RTL4: variants seen among roughly 807,000 people sequenced by gnomAD.
RTL4 encodes the protein retrotransposon Gag like 4.
In RTL4, 4 loss-of-function variants were observed where a neutral mutation model predicts 5.3. The observed-to-expected ratio is 0.75, with a 90% CI of 0.37 to 1.72. The LOEUF (loss-of-function observed/expected upper bound fraction) is 1.72. RTL4 is among the 40% of genes most tolerant of loss of function. RTL4 has a pLI of 0.04. For missense variants in RTL4, 260 were observed against 227.1 expected (o/e 1.14, Z -0.93); for synonymous variants, 98 against 87.3 (o/e 1.12, Z -0.68).
At chrX:112,296,119 A>C in the RTL4 span, among the ~76,000 whole-genome samples, 11 of 111,497 alleles carry the variant, frequency 9.9e-5, no homozygotes, top group African/African-American at 3.3e-4. Flanking sequence ...CTCAGAGGAC[A>C]TAAGACCATT....
chrX:112,222,329 G>A, the RTL4 span, among the ~76,000 whole-genome samples: 1 of 111,433 alleles, frequency 9.0e-6, no homozygotes, highest in African/African-American at 3.3e-5. Context: ...AAGTCTGGAA[G>A]ATCAAATAGG....
At chrX:112,222,685 A>G in the RTL4 span, among the ~76,000 whole-genome samples, 1 of 111,020 alleles carries the variant, frequency 9.0e-6, no homozygotes, top group Non-Finnish European at 1.9e-5. Context: ...GTGAGCTGTG[A>G]TCATGCCACT....
chrX:112,095,750 T>C, the RTL4 span, among the ~76,000 whole-genome samples: 1 of 111,324 alleles, frequency 9.0e-6, no homozygotes, highest in Middle Eastern at 4.6e-3. Flanking sequence ...ACTGACCAAG[T>C]CAAGGGTATG....
chrX:112,161,795 TC>T, the RTL4 span, among the ~76,000 whole-genome samples: 50 of 26,075 alleles, frequency 1.9e-3, no homozygotes, highest in African/African-American at 8.2e-3. Context: ...TTTTCTTCCT[TC>T]CTTCCTTCCT....
At chrX:112,090,361 T>A in the RTL4 span, among the ~76,000 whole-genome samples, 14 of 111,325 alleles carry the variant, frequency 1.3e-4, no homozygotes, top group African/African-American at 4.6e-4. Flanking sequence ...CACTACTGAC[T>A]ATGATGTTAA....
At chrX:112,446,745 G>A in the RTL4 span, among the ~76,000 whole-genome samples, 6 of 112,112 alleles carry the variant, frequency 5.4e-5, no homozygotes, top group East Asian at 1.7e-3. Flanking sequence ...CTACTTGGGA[G>A]GCTGAGGCAG....
chrX:112,382,110 T>C, the RTL4 span: 29 of 1,210,098 alleles, frequency 2.4e-5, no homozygotes, highest in Non-Finnish European at 3.2e-5. Flanking sequence ...CTGGAGTCCT[T>C]AATCCGGGCG....
At chrX:112,291,360 A>C in the RTL4 span, among the ~76,000 whole-genome samples, 5 of 93,532 alleles carry the variant, frequency 5.3e-5, no homozygotes, top group Admixed American at 1.2e-4. Context: ...AGATATATGT[A>C]TGTTTGTACA....
chrX:112,339,775 A>G, the RTL4 span, among the ~76,000 whole-genome samples: 4,964 of 112,739 alleles, frequency 0.044, 268 homozygotes, highest in African/African-American at 0.15. Flanking sequence ...GATGTGCAGA[A>G]TCAATGAGAA....
the RTL4 span, among the ~76,000 whole-genome samples, chrX:112,272,799 T>C: frequency 9.0e-6 from 1 of 111,502 alleles, no homozygotes; most frequent in Non-Finnish European, 1.9e-5. Flanking sequence ...ACTCTAATTT[T>C]TTTTTATAAT....
At chrX:112,229,100 T>C in the RTL4 span, among the ~76,000 whole-genome samples, 1 of 112,043 alleles carries the variant, frequency 8.9e-6, no homozygotes, top group Non-Finnish European at 1.9e-5. Flanking sequence ...ATCCCACTAA[T>C]TACCTTTTCT....
chrX:112,145,140 A>G, the RTL4 span, among the ~76,000 whole-genome samples: 1 of 111,515 alleles, frequency 9.0e-6, no homozygotes, highest in Admixed American at 9.5e-5. Flanking sequence ...ATCCTACTTA[A>G]CTGGAGTGTG....
chrX:112,326,869 C>G, the RTL4 span, among the ~76,000 whole-genome samples: 1 of 111,802 alleles, frequency 8.9e-6, no homozygotes, highest in Non-Finnish European at 1.9e-5. Context: ...AGCAGCCTAA[C>G]TGGGAGGCAC....
chrX:112,197,386 G>C, the RTL4 span, among the ~76,000 whole-genome samples: 1 of 110,463 alleles, frequency 9.1e-6, no homozygotes, highest in Non-Finnish European at 1.9e-5. Flanking sequence ...TCAGCTTCTT[G>C]CTTGGCCTTA....
At chrX:112,324,332 GC>G in the RTL4 span, among the ~76,000 whole-genome samples, 1 of 111,903 alleles carries the variant, frequency 8.9e-6, no homozygotes, top group African/African-American at 3.2e-5. Flanking sequence ...CAGTGCAGAA[GC>G]TTTTTGGTTT....
At chrX:112,307,942 T>A in the RTL4 span, among the ~76,000 whole-genome samples, 1 of 111,823 alleles carries the variant, frequency 8.9e-6, no homozygotes, top group African/African-American at 3.2e-5. Flanking sequence ...GTAGTAGTTG[T>A]ATTAGCCCCA....
the RTL4 span, among the ~76,000 whole-genome samples, chrX:112,333,872 G>A: frequency 9.0e-6 from 1 of 110,776 alleles, no homozygotes; most frequent in East Asian, 2.8e-4. Context: ...ACTCTATTGT[G>A]CTATCAAATA....
chrX:112,358,840 A>T, the RTL4 span, among the ~76,000 whole-genome samples: 1 of 111,865 alleles, frequency 8.9e-6, no homozygotes, highest in Non-Finnish European at 1.9e-5. Flanking sequence ...TTCATCCTTA[A>T]ATTAATCACT....
chrX:112,302,115 GCTGGGCAT>G, the RTL4 span, among the ~76,000 whole-genome samples: 2 of 110,112 alleles, frequency 1.8e-5, no homozygotes, highest in Non-Finnish European at 3.8e-5. Context: ...AAAAAAATTA[GCTGGGCAT>G]GGTGGCGGGC....
Sources: allele counts gnomAD v4.1 joint callset (sites outside exome capture counted in the v4.1 genomes callset), GRCh38; gene constraint gnomAD v4.1.1; transcripts MANE v1.5; gene names NCBI Gene and HGNC (gene_info 2026-07-23, HGNC 2026-07-21).